The following SAMTOR variants were observed in gnomAD, a reference collection of about 807,000 sequenced individuals.
The protein encoded by SAMTOR is UPF0532 protein C7orf60.
chr7:112,919,256 G>C, the SAMTOR span, among the ~76,000 whole-genome samples: 3 of 152,096 alleles, frequency 2.0e-5, no homozygotes, highest in Non-Finnish European at 2.9e-5. Context: ...GTCTCTCAGA[G>C]CACAGTGCAA....
chr7:112,823,305 G>T, the SAMTOR span, among the ~76,000 whole-genome samples: 1 of 152,114 alleles, frequency 6.6e-6, no homozygotes, highest in Admixed American at 6.5e-5. Context: ...AAGTTGTGAG[G>T]TATTTTTACA....
the SAMTOR span, chr7:112,939,753 C>CGCA: frequency 6.3e-7 from 1 of 1,590,248 alleles, no homozygotes; most frequent in African/African-American, 1.3e-5. Flanking sequence ...GGCTCCATAT[C>CGCA]GCAGCCGCCG....
At chr7:112,855,483 T>A in the SAMTOR span, among the ~76,000 whole-genome samples, 1 of 152,148 alleles carries the variant, frequency 6.6e-6, no homozygotes, top group Non-Finnish European at 1.5e-5. Flanking sequence ...ATAGAATCTA[T>A]TTCAAGCCTC....
chr7:112,904,900 G>A, the SAMTOR span, among the ~76,000 whole-genome samples: 3 of 152,132 alleles, frequency 2.0e-5, no homozygotes, highest in African/African-American at 7.2e-5. Context: ...TTTGGGAGGG[G>A]TGTTGGAGGG....
chr7:112,924,746 T>C, the SAMTOR span, among the ~76,000 whole-genome samples: 9 of 152,252 alleles, frequency 5.9e-5, no homozygotes, highest in African/African-American at 1.9e-4. Context: ...GTTTTAGAAA[T>C]GTTAAGGTAT....
At chr7:112,836,484 A>G in the SAMTOR span, among the ~76,000 whole-genome samples, 3 of 152,076 alleles carry the variant, frequency 2.0e-5, no homozygotes, top group African/African-American at 7.2e-5. Flanking sequence ...TAGTTTAAGT[A>G]GGTCCCACTT....
At chr7:112,910,156 C>T in the SAMTOR span, among the ~76,000 whole-genome samples, 10,737 of 151,448 alleles carry the variant, frequency 0.071, 443 homozygotes, top group South Asian at 0.13. Flanking sequence ...GAACACCCCA[C>T]CCCCCAAAAA....
the SAMTOR span, among the ~76,000 whole-genome samples, chr7:112,849,881 A>G: frequency 1.3e-5 from 2 of 152,266 alleles, no homozygotes; most frequent in South Asian, 4.1e-4. Flanking sequence ...AATTCTTTTT[A>G]TATGAATGAC....
At chr7:112,835,501 T>C in the SAMTOR span, among the ~76,000 whole-genome samples, 2 of 152,138 alleles carry the variant, frequency 1.3e-5, no homozygotes, top group African/African-American at 4.8e-5. Flanking sequence ...TAAACTTTTA[T>C]TTTAGGTCCA....
the SAMTOR span, among the ~76,000 whole-genome samples, chr7:112,923,708 A>G: frequency 6.6e-6 from 1 of 151,954 alleles, no homozygotes; most frequent in African/African-American, 2.4e-5. Flanking sequence ...TACCCAAAGG[A>G]CTATAAATCA....
the SAMTOR span, among the ~76,000 whole-genome samples, chr7:112,846,145 CTTTTT>C: frequency 7.8e-6 from 1 of 129,002 alleles, no homozygotes; most frequent in African/African-American, 3.0e-5. Context: ...ATCTGTACAA[CTTTTT>C]TTTTTTTTTT....
the SAMTOR span, among the ~76,000 whole-genome samples, chr7:112,931,373 C>A: frequency 1.3e-5 from 2 of 151,652 alleles, no homozygotes; most frequent in South Asian, 4.2e-4. Flanking sequence ...CACTGGCTCA[C>A]GGTGTATCTT....
the SAMTOR span, among the ~76,000 whole-genome samples, chr7:112,857,521 C>G: frequency 6.6e-6 from 1 of 152,206 alleles, no homozygotes; most frequent in South Asian, 2.1e-4. Context: ...TTAGAAATCA[C>G]AAAACAAATA....
the SAMTOR span, among the ~76,000 whole-genome samples, chr7:112,901,201 G>A: frequency 6.6e-6 from 1 of 152,244 alleles, no homozygotes; most frequent in African/African-American, 2.4e-5. Flanking sequence ...CTGCACAGCA[G>A]GAGGTAAGTG....
At chr7:112,899,122 T>A in the SAMTOR span, among the ~76,000 whole-genome samples, 1 of 151,732 alleles carries the variant, frequency 6.6e-6, no homozygotes, top group Non-Finnish European at 1.5e-5. Flanking sequence ...AATCCTGGAG[T>A]AGTACAGATA....
the SAMTOR span, among the ~76,000 whole-genome samples, chr7:112,860,189 C>T: frequency 6.6e-6 from 1 of 152,132 alleles, no homozygotes; most frequent in African/African-American, 2.4e-5. Flanking sequence ...ATGACTATAC[C>T]ATATAGCCTA....
chr7:112,911,780 AC>A, the SAMTOR span, among the ~76,000 whole-genome samples: 1 of 152,008 alleles, frequency 6.6e-6, no homozygotes, highest in African/African-American at 2.4e-5. Context: ...TATCTTAAAA[AC>A]ATCTTTACTG....
the SAMTOR span, among the ~76,000 whole-genome samples, chr7:112,833,379 T>C: frequency 6.6e-6 from 1 of 152,218 alleles, no homozygotes; most frequent in Non-Finnish European, 1.5e-5. Flanking sequence ...CCTTAACATG[T>C]AATACGGGGA....
chr7:112,821,994 A>G, the SAMTOR span: 3 of 1,613,664 alleles, frequency 1.9e-6, no homozygotes, highest in Non-Finnish European at 2.5e-6. Flanking sequence ...TGTGGTTTTT[A>G]GAGAGATTTT....
Sources: allele counts gnomAD v4.1 joint callset (sites outside exome capture counted in the v4.1 genomes callset), GRCh38; gene constraint gnomAD v4.1.1; transcripts MANE v1.5; gene names NCBI Gene and HGNC (gene_info 2026-07-23, HGNC 2026-07-21).